The following MYO5C variants were observed in gnomAD, a reference collection of about 807,000 sequenced individuals.
The protein encoded by MYO5C is unconventional myosin-Vc.
A neutral mutation model predicts 235.7 loss-of-function variants in MYO5C; 194 were observed. That is an observed-to-expected ratio of 0.82 (90% CI 0.73 to 0.93). MYO5C has a LOEUF of 0.93. MYO5C is among the 40% of genes least tolerant of loss of function. The probability of loss-of-function intolerance (pLI) is 0.00; values close to 1 mark genes in which losing one functional copy is unlikely to be tolerated. For synonymous variants in MYO5C, 707 were observed against 754.8 expected (o/e 0.94, Z 1.04); for missense variants, 2,038 against 2,127.2 (o/e 0.96, Z 0.82).
chr15:52,203,348 TTTA>T (rs2035230897), intron 38 of MYO5C, among the ~76,000 whole-genome samples: 1 of 152,194 alleles, frequency 6.6e-6, no homozygotes. Flanking sequence ...TTTTATCTTT[TTTA>T]TTATTTATTT....
intron 20 of MYO5C, 37 bp from the exon 21 acceptor site, chr15:52,239,916 C>G (rs2036175484): frequency 6.3e-7 from 1 of 1,579,882 alleles, no homozygotes; most frequent in African/African-American, 1.4e-5. Context: ...AAACTGGATC[C>G]CAAGTGCTTC....
intron 39 of MYO5C, 46 bp downstream of exon 39, chr15:52,196,263 G>C: frequency 6.5e-7 from 1 of 1,537,846 alleles, no homozygotes; most frequent in Non-Finnish European, 8.7e-7. Context: ...CCACTGCACT[G>C]ATGTGTCAGG....
At position 52,245,103 on chromosome 15, in the gene MYO5C, G is replaced by A. The variant is rs546317708; in HGVS notation, c.2178+251C>T. 1.4e-4 allele frequency among the ~76,000 whole-genome samples: 21 copies of A among 152,348 alleles called. No homozygotes were observed. The South Asian group carries it at 1.5e-3, about 11-fold the overall frequency. On this transcript the variant is annotated intron_variant, in intron 18 of 40. Coordinates refer to ENST00000261839, the MANE Select transcript of MYO5C (RefSeq NM_018728.4). The stretch of plus-strand genomic sequence containing the variant: ...GGTCCACAGAGGACTGGGTTAGATC[G>A]TGGGAGAGCTAAACAGGATACGAGG...
chr15:52,283,443 G>A (rs1376737504), intron 1 of MYO5C, among the ~76,000 whole-genome samples: 1 of 152,162 alleles, frequency 6.6e-6, no homozygotes, highest in African/African-American at 2.4e-5. Flanking sequence ...CCCACAGTGG[G>A]AAATGCAGAA....
chr15:52,222,607 G>A (rs2035716661), intron 29 of MYO5C, among the ~76,000 whole-genome samples: 1 of 151,224 alleles, frequency 6.6e-6, no homozygotes. Flanking sequence ...AGCCAGTGGT[G>A]GGGACACACG....
chr15:52,244,571 G>A lies in MYO5C; in HGVS notation c.2179-4C>T. The A allele has an allele frequency of 1.3e-6, 2 of 1,587,284 alleles. No homozygotes were observed. Among genetic ancestry groups the A allele is most frequent in the Non-Finnish European group, 1.7e-6 (2 of 1,160,262 alleles). Reference sequence around the variant, plus strand: ...CAAACTGGTACTGATTAGAATCCTGGAAGAGAAAAATGATATAGTTAGAAT... The same window carrying A: ...CAAACTGGTACTGATTAGAATCCTGAAAGAGAAAAATGATATAGTTAGAAT... On this transcript the variant is annotated splice_region_variant and splice_polypyrimidine_tract_variant and intron_variant, in intron 18 of 40. Transcript: ENST00000261839.
At chr15:52,197,781 G>T (rs898732450) in intron 38 of MYO5C, among the ~76,000 whole-genome samples, 2 of 151,528 alleles carry the variant, frequency 1.3e-5, no homozygotes, top group African/African-American at 4.8e-5. Context: ...GATTACAGGC[G>T]CCTGCCACTA....
Position 52,218,701 on chromosome 15 carries a change from G to A in MYO5C, c.3786-14C>T. The A allele has an allele frequency of 6.2e-7, 1 of 1,613,572 alleles. No individual in the cohort carries two copies. The highest frequency in any genetic ancestry group is 1.1e-5 in the South Asian group (1 of 91,006). ...GCTTCCAAGGCCCTGAGAAAGGGAG[G>A]GAGGAATGGCTGGTATCAGTATGAC... On this transcript the variant is annotated splice_polypyrimidine_tract_variant and intron_variant, in intron 31 of 40. Transcript: ENST00000261839.
chr15:52,291,724 A>ATTTTCTGTTTT (rs1237279844), intron 1 of MYO5C, among the ~76,000 whole-genome samples: 1 of 61,982 alleles, frequency 1.6e-5, no homozygotes, highest in Non-Finnish European at 3.6e-5. Context: ...TTGTTTGCAT[A>ATTTTCTGTTTT]TTTTATGTTT....
In MYO5C at chr15:52,204,993, C is replaced by T. The variant is rs763305261; in HGVS notation, c.4692G>A (p.Gln1564=). Reference sequence around the variant, plus strand: ...TCACAAGCTCGGGGTCCAGGCCGTTCTGGCACATGGTGGTGTAAAAGTAGC... The same window carrying T: ...TCACAAGCTCGGGGTCCAGGCCGTTTTGGCACATGGTGGTGTAAAAGTAGC... ...QLSYFYTTMC[Q]NGLDPELVRQ... The change falls in exon 38 of 41, where the codon CAG becomes CAA. Residue 1564 remains glutamine, a synonymous_variant. Coordinates refer to ENST00000261839, the MANE Select transcript of MYO5C (RefSeq NM_018728.4). 1 of 1,614,244 alleles carries T rather than the reference C, an allele frequency of 6.2e-7. No homozygotes were observed. Among genetic ancestry groups the T allele is most frequent in the East Asian group, 2.2e-5 (1 of 44,878 alleles).
chr15:52,292,779 T>G (rs1168351415), intron 1 of MYO5C, among the ~76,000 whole-genome samples: 1 of 152,230 alleles, frequency 6.6e-6, no homozygotes, highest in African/African-American at 2.4e-5. Context: ...TGCAGAGGCT[T>G]TCTCAGAAGA....
chr15:52,242,476 T>C (rs758771695), intron 19 of MYO5C: 4 of 422,050 alleles, frequency 9.5e-6, no homozygotes, highest in African/African-American at 3.9e-5. Flanking sequence ...ACAGAGACGA[T>C]GATGAGACTG....
rs763989960 is a variant in MYO5C, at chr15:52,269,874, G to GT, written c.833-15dup. The GT allele has an allele frequency of 1.3e-5, 21 of 1,566,610 alleles. No individual in the cohort carries two copies. Among genetic ancestry groups the GT allele is most frequent in the Non-Finnish European group, 1.8e-5 (20 of 1,137,894 alleles). On this transcript the variant is annotated splice_polypyrimidine_tract_variant and intron_variant, in intron 7 of 40. Coordinates refer to ENST00000261839, the MANE Select transcript of MYO5C (RefSeq NM_018728.4). ...CTTCGGCACTCCCTGAAATCAAAAAGTAAGATTTGTTATGTCTGTAACACA... is the reference window on the plus strand; with the variant it reads ...CTTCGGCACTCCCTGAAATCAAAAAGTTAAGATTTGTTATGTCTGTAACACA...
chr15:52,220,523 T>A (rs968419054), intron 30 of MYO5C, among the ~76,000 whole-genome samples: 1 of 152,024 alleles, frequency 6.6e-6, no homozygotes, highest in Admixed American at 6.6e-5. Context: ...TGACTTATTT[T>A]AAAAAAATTT....
chr15:52,233,258 G>A (rs1449462584), intron 23 of MYO5C, among the ~76,000 whole-genome samples: 1 of 10,278 alleles, frequency 9.7e-5, no homozygotes, highest in African/African-American at 1.4e-4. Context: ...CAGCCTGGGC[G>A]ACAGAGCGAG....
intron 13 of MYO5C, among the ~76,000 whole-genome samples, chr15:52,249,501 G>T (rs1024630626): frequency 1.1e-4 from 17 of 152,276 alleles, no homozygotes; most frequent in Middle Eastern, 6.8e-3. Flanking sequence ...TGACAATGAG[G>T]AAACAGGGGA....
At chr15:52,198,773 G>A (rs977703125) in intron 38 of MYO5C, among the ~76,000 whole-genome samples, 1 of 151,804 alleles carries the variant, frequency 6.6e-6, no homozygotes, top group Non-Finnish European at 1.5e-5. Context: ...GTAGAGATGG[G>A]GTTTCACCAT....
chr15:52,241,956 G>C, intron 20 of MYO5C, 92 bp downstream of exon 20: 1 of 1,349,212 alleles, frequency 7.4e-7, no homozygotes, highest in Non-Finnish European at 1.0e-6. Context: ...AAGTGAGGTT[G>C]CCCATAGTGA....
At chr15:52,291,689 C>T (rs1596240855) in intron 1 of MYO5C, among the ~76,000 whole-genome samples, 1 of 146,912 alleles carries the variant, frequency 6.8e-6, no homozygotes, top group African/African-American at 2.5e-5. Flanking sequence ...AATCTTTAGG[C>T]AGTGATATGT....
Sources: gnomAD v4.1 joint callset for allele counts (sites outside exome capture counted in the v4.1 genomes callset) on GRCh38, gnomAD v4.1.1 for gene constraint, MANE v1.5 for transcripts, NCBI Gene and HGNC (gene_info 2026-07-23, HGNC 2026-07-21) for gene names.